DUSP3: variants seen among roughly 807,000 people sequenced by gnomAD.
The protein encoded by DUSP3 is dual specificity protein phosphatase 3.
DUSP3 carries 7 observed loss-of-function variants against 15.5 expected under a neutral mutation model. That is an observed-to-expected ratio of 0.45 (90% CI 0.26 to 0.85). The LOEUF is 0.85. Ranked by LOEUF, DUSP3 falls within the 40% of genes least tolerant of loss-of-function variation. The pLI is 0.18. For synonymous variants in DUSP3, 86 were observed against 104.2 expected (o/e 0.83, Z 1.07); for missense variants, 209 against 251.7 (o/e 0.83, Z 1.15).
At chr17:43,774,226 A>G in intron 2 of DUSP3, 1 of 263,572 alleles carries the variant, frequency 3.8e-6, no homozygotes, top group Admixed American at 5.2e-5. Flanking sequence ...TGGTGACTGG[A>G]TCCCATCTTG....
chr17:43,771,701 G>A (rs1341760999), intron 2 of DUSP3, among the ~76,000 whole-genome samples: 2 of 151,610 alleles, frequency 1.3e-5, no homozygotes, highest in African/African-American at 2.4e-5. Context: ...CTCTCCCAGA[G>A]GACGAATTCT....
Position 43,774,746 on chromosome 17 carries a change from G to A in DUSP3, c.318C>T (p.Ala106=), listed in dbSNP as rs374962096. The A allele has an allele frequency of 1.1e-5, 17 of 1,614,072 alleles. No individual in the cohort carries two copies. In the African/African-American group the frequency reaches 1.1e-4, roughly 10 times the overall value. Residue 106 remains alanine, a synonymous_variant, in exon 2 of 3, where the codon GCC becomes GCT. Coordinates refer to ENST00000226004, the MANE Select transcript of DUSP3 (RefSeq NM_004090.4). ...GAGCCAAAGCCTGGTCAATGAAGTCGGCAGCCCTTTCAAAGTAAGCGCTGA... is the reference window on the plus strand; with the variant it reads ...GAGCCAAAGCCTGGTCAATGAAGTCAGCAGCCCTTTCAAAGTAAGCGCTGA... ...FNLSAYFERA[A]DFIDQALAQK...
chr17:43,777,840 T>TAAAAA (rs200693168), intron 1 of DUSP3: 1 of 198,558 alleles, frequency 5.0e-6, no homozygotes, highest in Non-Finnish European at 1.1e-5. Context: ...AAATTTAAAT[T>TAAAAA]AAAAAAAATC....
In DUSP3 at chr17:43,769,517, G is replaced by A. The variant is rs1270332256; in HGVS notation, c.*92C>T. 2 of 1,426,042 alleles carry A rather than the reference G, an allele frequency of 1.4e-6. No individual in the cohort carries two copies. Among genetic ancestry groups the A allele is most frequent in the East Asian group, 2.3e-5 (1 of 43,144 alleles). 88.3% of individuals were successfully genotyped at this position (1,426,042 alleles called of 1,614,324 possible). On this transcript the variant is annotated 3_prime_UTR_variant, in exon 3 of 3. Coordinates refer to ENST00000226004, the MANE Select transcript of DUSP3 (RefSeq NM_004090.4). ...CAAGTGCCTTGTGATGCTGGGAGCAGGGTACAGTGTGTTTCCTAAACATGG... is the reference window on the plus strand; with the variant it reads ...CAAGTGCCTTGTGATGCTGGGAGCAAGGTACAGTGTGTTTCCTAAACATGG...
chr17:43,772,132 C>T (rs1195797459), intron 2 of DUSP3, among the ~76,000 whole-genome samples: 1 of 152,098 alleles, frequency 6.6e-6, no homozygotes, highest in Non-Finnish European at 1.5e-5. Context: ...TTATTACCTA[C>T]TAACACCTCT....
chr17:43,775,608 T>C (rs1387976866), intron 1 of DUSP3, among the ~76,000 whole-genome samples: 1 of 152,164 alleles, frequency 6.6e-6, no homozygotes, highest in Non-Finnish European at 1.5e-5. Flanking sequence ...TTCCCCACCA[T>C]CTGCTATAGT....
At position 43,769,187 on chromosome 17, in the gene DUSP3, T is replaced by A; in HGVS notation, c.*422A>T. On this transcript the variant is annotated 3_prime_UTR_variant, in exon 3 of 3. Transcript: ENST00000226004. ...AGTGGCCTGCATTTGCATAGTTCCT[T>A]TACTAGGGCTCAAGGTGTTGAGGTC... 5.2e-6 allele frequency: 1 copy of A among 193,334 alleles called. No individual in the cohort carries two copies. Among genetic ancestry groups the A allele is most frequent in the Non-Finnish European group, 1.0e-5 (1 of 95,340 alleles). The allele number at this position is 193,334 out of a possible 1,614,324, so 12.0% of individuals were successfully genotyped here.
chr17:43,776,045 G>A (rs956319900), intron 1 of DUSP3, among the ~76,000 whole-genome samples: 65 of 152,306 alleles, frequency 4.3e-4, no homozygotes, highest in African/African-American at 4.8e-4. Flanking sequence ...CTTGAACCCG[G>A]GAGGTGGAGG....
chr17:43,777,309 A>G (rs1200033229), intron 1 of DUSP3, among the ~76,000 whole-genome samples: 1 of 152,200 alleles, frequency 6.6e-6, no homozygotes, highest in Non-Finnish European at 1.5e-5. Context: ...CAAAAAATTT[A>G]CAATTATCAT....
At chr17:43,778,339 T>C (rs1974415538) in intron 1 of DUSP3, 1 of 153,394 alleles carries the variant, frequency 6.5e-6, no homozygotes, top group African/African-American at 2.4e-5. Flanking sequence ...GCCGGGAAAA[T>C]TCCATGCCCG....
At position 43,769,106 on chromosome 17, in the gene DUSP3, A is replaced by G. The variant is rs973229278; in HGVS notation, c.*503T>C. ...ACCTCAAGACGTGAGAGGGCTGCCT[A>G]TGCACAGGGTGTGGAAGGCTGTGGG... is the stretch of plus-strand genomic sequence containing the variant. On this transcript the variant is annotated 3_prime_UTR_variant, in exon 3 of 3. Coordinates refer to ENST00000226004, the MANE Select transcript of DUSP3 (RefSeq NM_004090.4). 6.5e-6 allele frequency: 1 copy of G among 153,950 alleles called. No homozygotes were observed. Among genetic ancestry groups the G allele is most frequent in the Non-Finnish European group, 1.4e-5 (1 of 69,038 alleles). The allele number at this position is 153,950 out of a possible 1,614,324, so 9.5% of individuals were successfully genotyped here.
Position 43,774,714 on chromosome 17 carries a change from T to C in DUSP3, c.350A>G (p.Asn117Ser). Residue 117 changes from asparagine (N) to serine (S), a missense_variant and splice_region_variant, in exon 2 of 3, where the codon AAT becomes AGT. Physicochemically the swap from Asn to Ser is conservative, Grantham distance 46 (BLOSUM62 1). Transcript: ENST00000226004. ...TTTCCTGGTGGGAGGTCCCTTACCA[T>C]TCTTTTGAGCCAAAGCCTGGTCAAT... ...DFIDQALAQKNGRVLVHCREG... is the reference protein window; with the variant it reads ...DFIDQALAQKSGRVLVHCREG... The C allele has an allele frequency of 6.2e-7, 1 of 1,614,176 alleles. No individual in the cohort carries two copies. The highest frequency in any genetic ancestry group is 8.5e-7 in the Non-Finnish European group (1 of 1,180,004).
chr17:43,769,909 A>G (rs1328402200), intron 2 of DUSP3, 95 bp from the exon 3 acceptor site: 33 of 1,323,044 alleles, frequency 2.5e-5, no homozygotes, highest in Non-Finnish European at 3.2e-5. Flanking sequence ...TTAAAAGCAC[A>G]ATGTCACGCC....
chr17:43,776,426 C>G (rs914668249), intron 1 of DUSP3, among the ~76,000 whole-genome samples: 1 of 152,254 alleles, frequency 6.6e-6, no homozygotes, highest in Non-Finnish European at 1.5e-5. Flanking sequence ...CCTGCTCTAT[C>G]TTCCACCTCA....
intron 2 of DUSP3, among the ~76,000 whole-genome samples, chr17:43,770,534 A>G (rs1380217399): frequency 5.3e-5 from 8 of 151,888 alleles, no homozygotes. Flanking sequence ...GCGCGAGCCT[A>G]TAATCCCAGC....
At chr17:43,778,772 C>A in intron 1 of DUSP3, 28 bp downstream of exon 1, 1 of 1,502,324 alleles carries the variant, frequency 6.7e-7, no homozygotes, top group South Asian at 1.3e-5. Context: ...AGAGGGACGG[C>A]GGGGCCGGGC....
rs1974281962 is a variant in DUSP3 at position 43,769,385 on chromosome 17, A to G, written c.*224T>C. The stretch of plus-strand genomic sequence containing the variant: ...TCAGGGAAAAGACATCATAAGTTAC[A>G]GAAACAGGACAACTGGGGAGCAAGG... On this transcript the variant is annotated 3_prime_UTR_variant, in exon 3 of 3. Coordinates refer to ENST00000226004, the MANE Select transcript of DUSP3 (RefSeq NM_004090.4). 3.7e-6 allele frequency: 2 copies of G among 541,920 alleles called. No homozygotes were observed. The highest frequency in any genetic ancestry group is 6.5e-5 in the East Asian group (2 of 30,666). 33.6% of individuals were successfully genotyped at this position (541,920 alleles called of 1,614,324 possible).
chr17:43,776,350 G>A (rs1290628321), intron 1 of DUSP3, among the ~76,000 whole-genome samples: 2 of 152,214 alleles, frequency 1.3e-5, no homozygotes, highest in Non-Finnish European at 2.9e-5. Flanking sequence ...CAGAGGGATG[G>A]GCACAGGCCC....
chr17:43,774,556 GC>G (rs1417823356), intron 2 of DUSP3, among the ~76,000 whole-genome samples, 155 bp downstream of exon 2: 1 of 152,176 alleles, frequency 6.6e-6, no homozygotes, highest in Non-Finnish European at 1.5e-5. Flanking sequence ...TTGACAGCCA[GC>G]CAGGTGAGCA....
Sources: allele counts gnomAD v4.1 joint callset (sites outside exome capture counted in the v4.1 genomes callset), GRCh38; gene constraint gnomAD v4.1.1; transcripts MANE v1.5; gene names NCBI Gene and HGNC (gene_info 2026-07-23, HGNC 2026-07-21).